Variants in PAPPA2 observed in about 807,000 individuals in gnomAD.
PAPPA2 encodes the protein pappalysin 2.
In PAPPA2, 86 loss-of-function variants were observed where a neutral mutation model predicts 176.4. The ratio of observed to expected loss-of-function variants is 0.49; its 90% confidence interval spans 0.41 to 0.58. PAPPA2 has a LOEUF of 0.58. Among genes scored for constraint, PAPPA2 ranks in the 20% least tolerant of loss-of-function variants. The pLI is 0.00. For missense variants in PAPPA2, 2,073 were observed against 2,256.9 expected, an observed-to-expected ratio of 0.92 and a Z score of 1.65; for synonymous variants, 809 against 852.2, an observed-to-expected ratio of 0.95 and a Z score of 0.88.
At chr1:176,677,503 A>G (rs539814424) in intron 4 of PAPPA2, among the ~76,000 whole-genome samples, 12 of 152,330 alleles carry the variant, frequency 7.9e-5, no homozygotes, top group Non-Finnish European at 1.3e-4. Context: ...CAGGTGGATC[A>G]ATGAGTGGGA....
At chr1:176,502,512 A>G (rs1648023780) in intron 1 of PAPPA2, among the ~76,000 whole-genome samples, 1 of 152,160 alleles carries the variant, frequency 6.6e-6, no homozygotes. Flanking sequence ...TGTATGTATT[A>G]TTCTTAATAG....
intron 21 of PAPPA2, among the ~76,000 whole-genome samples, chr1:176,809,337 A>AT (rs1273661685): frequency 6.6e-6 from 1 of 152,184 alleles, no homozygotes; most frequent in Non-Finnish European, 1.5e-5. Context: ...ATTTAACTTC[A>AT]TTGGAGTGGC....
rs1308297341 is a variant in PAPPA2, at chr1:176,556,670, A to G, written c.348A>G (p.Ala116=). ...LVPPDLTENP[A]GLRGAVEEPA... ...CCCCAGACCTGACTGAAAATCCAGC[A>G]GGACTGAGGGGTGCAGTTGAAGAGC... Residue 116 remains alanine, a synonymous_variant, in exon 2 of 23, where the codon GCA becomes GCG. Transcript: ENST00000367662. 1 of 1,614,070 alleles carries G rather than the reference A, an allele frequency of 6.2e-7. No homozygotes were observed. Among genetic ancestry groups the G allele is most frequent in the African/African-American group, 1.3e-5 (1 of 74,934 alleles).
chr1:176,466,116 C>A (rs914337033), intron 1 of PAPPA2, among the ~76,000 whole-genome samples: 1 of 151,900 alleles, frequency 6.6e-6, no homozygotes, highest in African/African-American at 2.4e-5. Context: ...AAGGGTATTA[C>A]CTTTAATAAT....
At chr1:176,709,093 C>T (rs1661023590) in intron 10 of PAPPA2, among the ~76,000 whole-genome samples, 1 of 152,122 alleles carries the variant, frequency 6.6e-6, no homozygotes, top group Non-Finnish European at 1.5e-5. Context: ...TATTCACTTA[C>T]TAGGAGTTAT....
chr1:176,804,514 G>A (rs1019027678), intron 21 of PAPPA2, among the ~76,000 whole-genome samples: 4 of 152,128 alleles, frequency 2.6e-5, no homozygotes, highest in Admixed American at 6.5e-5. Context: ...AGACACTGCT[G>A]TAGACTAACT....
chr1:176,500,719 C>T (rs4622028), intron 1 of PAPPA2, among the ~76,000 whole-genome samples: 57,352 of 151,446 alleles, frequency 0.38, 12,966 homozygotes, highest in African/African-American at 0.62. Flanking sequence ...AAGTCAAATA[C>T]AACCAGTTCC....
intron 5 of PAPPA2, chr1:176,691,010 C>G (rs1660098412): frequency 8.1e-6 from 8 of 985,022 alleles, no homozygotes; most frequent in Non-Finnish European, 8.4e-6. Context: ...AAGGTGACAT[C>G]TAATTTTAAA....
chr1:176,678,025 C>T (rs1659393097), intron 4 of PAPPA2, among the ~76,000 whole-genome samples: 1 of 152,060 alleles, frequency 6.6e-6, no homozygotes, highest in African/African-American at 2.4e-5. Flanking sequence ...GAAGAGTTTC[C>T]AGAGGGGCTG....
chr1:176,566,274 T>A (rs1441141057), intron 2 of PAPPA2, among the ~76,000 whole-genome samples: 1 of 152,102 alleles, frequency 6.6e-6, no homozygotes, highest in African/African-American at 2.4e-5. Flanking sequence ...GGGGTGCAGG[T>A]GGGGGAAGGA....
chr1:176,610,946 T>A (rs999610635), intron 3 of PAPPA2, among the ~76,000 whole-genome samples: 10 of 152,200 alleles, frequency 6.6e-5, no homozygotes, highest in African/African-American at 2.4e-4. Context: ...GAGACAGACA[T>A]GTATGCATAT....
At chr1:176,762,834 C>T (rs935231411) in intron 14 of PAPPA2, among the ~76,000 whole-genome samples, 2 of 152,146 alleles carry the variant, frequency 1.3e-5, no homozygotes, top group African/African-American at 4.8e-5. Flanking sequence ...TATATTTCTT[C>T]CTTCATCAGG....
chr1:176,466,181 G>A (rs953773649), intron 1 of PAPPA2, among the ~76,000 whole-genome samples: 2 of 152,064 alleles, frequency 1.3e-5, no homozygotes, highest in African/African-American at 4.8e-5. Flanking sequence ...GAAGCTTAAT[G>A]AGGTCCTATA....
chr1:176,680,074 A>T (rs1357306607), intron 4 of PAPPA2, among the ~76,000 whole-genome samples: 2 of 152,234 alleles, frequency 1.3e-5, no homozygotes, highest in Admixed American at 1.3e-4. Flanking sequence ...GTAAGACATT[A>T]AAAGTAATCG....
intron 3 of PAPPA2, among the ~76,000 whole-genome samples, chr1:176,658,460 A>G (rs1034420414): frequency 1.3e-5 from 2 of 152,062 alleles, no homozygotes; most frequent in African/African-American, 4.8e-5. Context: ...GTTCGCAAAT[A>G]TTGCCAAAGC....
At chr1:176,778,681 C>G (rs1664569354) in intron 17 of PAPPA2, among the ~76,000 whole-genome samples, 1 of 152,114 alleles carries the variant, frequency 6.6e-6, no homozygotes, top group African/African-American at 2.4e-5. Context: ...AGGTGCTAAA[C>G]CTATACACTT....
At chr1:176,533,342 T>C (rs534518029) in intron 1 of PAPPA2, among the ~76,000 whole-genome samples, 2 of 152,348 alleles carry the variant, frequency 1.3e-5, no homozygotes, top group South Asian at 2.1e-4. Flanking sequence ...TGTGACTCTG[T>C]CCATAGATTC....
intron 18 of PAPPA2, among the ~76,000 whole-genome samples, 167 bp downstream of exon 18, chr1:176,790,144 A>C (rs965225592): frequency 2.6e-5 from 4 of 152,176 alleles, no homozygotes; most frequent in African/African-American, 9.7e-5. Flanking sequence ...AAAATACCAC[A>C]TTTTTAAAAT....
intron 21 of PAPPA2, among the ~76,000 whole-genome samples, chr1:176,828,963 A>T (rs1666968537): frequency 6.6e-6 from 1 of 152,114 alleles, no homozygotes; most frequent in South Asian, 2.1e-4. Flanking sequence ...AGATCATGCC[A>T]CTGCACTCCA....
Sources: allele counts gnomAD v4.1 joint callset (sites outside exome capture counted in the v4.1 genomes callset), GRCh38; gene constraint gnomAD v4.1.1; transcripts MANE v1.5; gene names NCBI Gene and HGNC (gene_info 2026-07-23, HGNC 2026-07-21).